NAALADL1: variants seen among roughly 807,000 people sequenced by gnomAD.
The protein encoded by NAALADL1 is N-acetylated alpha-linked acidic dipeptidase like 1, also known as aminopeptidase NAALADL1.
Under a neutral mutation model 82.8 loss-of-function variants are expected in NAALADL1, and 77 were observed. The ratio of observed to expected loss-of-function variants is 0.93; its 90% CI spans 0.77 to 1.12. The LOEUF (loss-of-function observed/expected upper bound fraction) is 1.12. Among genes scored for constraint, NAALADL1 ranks in the 50% most tolerant of loss-of-function variants. The probability of loss-of-function intolerance (pLI) is 0.00; values close to 1 mark genes in which losing one functional copy is unlikely to be tolerated. For synonymous variants in NAALADL1, 358 were observed against 399.2 expected, an observed-to-expected ratio of 0.90 and a Z score of 1.23; for missense variants, 956 against 964.0, an observed-to-expected ratio of 0.99 and a Z score of 0.11.
At chr11:65,059,990 G>T (rs1590778690), upstream of NAALADL1, among the ~76,000 whole-genome samples, 1 of 152,200 alleles carries the variant, frequency 6.6e-6, no homozygotes, top group Non-Finnish European at 1.5e-5. Context: ...GGCTGGGGGG[G>T]TCCCTAGGGA....
intron 8 of NAALADL1, among the ~76,000 whole-genome samples, chr11:65,051,311 CTTTCTTTTTTTTTTTTTTTT>C (rs1416903518): frequency 8.0e-5 from 5 of 62,574 alleles, no homozygotes; most frequent in African/African-American, 2.0e-4. Context: ...TCCTTTCTTT[CTTTCTTTTTTTTTTTTTTTT>C]TTTTTTTTTT....
chr11:65,057,318 C>T, intron 4 of NAALADL1, 53 bp downstream of exon 4: 3 of 1,539,248 alleles, frequency 1.9e-6, no homozygotes, highest in South Asian at 1.3e-5. Flanking sequence ...CTCCAGTCCA[C>T]TGCCCAGCCC....
rs1946968960 is a variant in NAALADL1, at chr11:65,054,192, G to A, written c.992+58C>T. On this transcript the variant is annotated intron_variant, in intron 6 of 17. Transcript: ENST00000358658. This position sits in a 1 kb window ranked among gnomAD's most constrained non-coding sequence, Gnocchi z 4.3. ...GAGGGAACATCATCACAAGGGAAGG[G>A]GAGAGGCGAGTTGGGGGAGAGGGCA... 7.0e-7 allele frequency: 1 copy of A among 1,421,136 alleles called. No individual in the cohort carries two copies. The highest frequency in any genetic ancestry group is 9.8e-7 in the Non-Finnish European group (1 of 1,015,610). 88.0% of individuals were successfully genotyped at this position (1,421,136 alleles called of 1,614,324 possible).
chr11:65,058,317 C>A lies in NAALADL1; in HGVS notation c.185+20G>T, dbSNP rs1291267518. ...AGGGGGCCTCTGGCAAACGGAGGAG[C>A]AGATGGCCCCACTTCTCACCTGAGG... On this transcript the variant is annotated intron_variant, in intron 1 of 17. Coordinates refer to ENST00000358658, the MANE Select transcript of NAALADL1 (RefSeq NM_005468.3). The A allele has an allele frequency of 1.2e-6, 2 of 1,614,034 alleles. No homozygotes were observed. The highest frequency in any genetic ancestry group is 1.7e-6 in the Non-Finnish European group (2 of 1,179,918).
In NAALADL1 at chr11:65,054,591, C is replaced by T. The variant is rs577187804; in HGVS notation, c.751G>A (p.Glu251Lys). Residue 251 changes from glutamate to lysine, a missense_variant, in exon 5 of 18, where the codon GAG becomes AAG. Physicochemically the swap from Glu to Lys is moderately conservative, Grantham distance 56 (BLOSUM62 1). Transcript: ENST00000358658. The surrounding 1 kb of genome is among the most constrained non-coding windows in gnomAD (Gnocchi z 4.3). Reference sequence around the variant, plus strand: ...GGAGTCAGAGGGTCCCCAAAATACTCGTAGTAGGAGCCTCGCTCCACTCCT... The same window carrying T: ...GGAGTCAGAGGGTCCCCAAAATACTTGTAGTAGGAGCCTCGCTCCACTCCT... ...PSGVERGSYY[E>K]YFGDPLTPYL... 79 of 1,613,690 alleles carry T rather than the reference C, an allele frequency of 4.9e-5. No individual in the cohort carries two copies. Among genetic ancestry groups the T allele is most frequent in the Admixed American group, 1.2e-4 (7 of 59,934 alleles).
intron 13 of NAALADL1, 26 bp from the exon 14 acceptor site, chr11:65,046,552 C>T (rs1380233399): frequency 6.2e-7 from 1 of 1,611,668 alleles, no homozygotes; most frequent in Non-Finnish European, 8.5e-7. Context: ...CCAGAGGTGA[C>T]AGGCTTGGGA....
Position 65,054,743 on chromosome 11 carries a change from A to G in NAALADL1, c.604-5T>C. On this transcript the variant is annotated splice_polypyrimidine_tract_variant and splice_region_variant and intron_variant, in intron 4 of 17. Transcript: ENST00000358658. This position sits in a 1 kb window ranked among gnomAD's most constrained non-coding sequence, Gnocchi z 4.3. ...GTGCTTGGCAGCGTTCACAGCCTGCAGTGGGCAGAGGAGGCTGTGTGTAAG... is the reference window on the plus strand; with the variant it reads ...GTGCTTGGCAGCGTTCACAGCCTGCGGTGGGCAGAGGAGGCTGTGTGTAAG... The G allele has an allele frequency of 6.2e-7, 1 of 1,612,392 alleles. No individual in the cohort carries two copies. The highest frequency in any genetic ancestry group is 1.1e-5 in the South Asian group (1 of 91,022).
Position 65,054,709 on chromosome 11 carries a change from A to G in NAALADL1, c.633T>C (p.Ala211=), listed in dbSNP as rs376967167. ...KAVNAAKHGV[A]GVLVYTDPAD... ...CAGGGTCTGTGTACACCAGCACCCCAGCTACCCCGTGCTTGGCAGCGTTCA... is the reference window on the plus strand; with the variant it reads ...CAGGGTCTGTGTACACCAGCACCCCGGCTACCCCGTGCTTGGCAGCGTTCA... The change falls in exon 5 of 18, where the codon GCT becomes GCC. Residue 211 remains alanine (A), a synonymous_variant. Transcript: ENST00000358658. The surrounding 1 kb of genome is among the most constrained non-coding windows in gnomAD (Gnocchi z 4.3). 6.4e-5 allele frequency: 103 copies of G among 1,614,064 alleles called. 1 individual carries two copies. In the African/African-American group the frequency reaches 1.2e-3, roughly 19 times the overall value.
Position 65,044,905 on chromosome 11 carries a change from G to A in NAALADL1, c.*366C>T, listed in dbSNP as rs1946684063. On this transcript the variant is annotated 3_prime_UTR_variant, in exon 18 of 18. Transcript: ENST00000358658. The surrounding 1 kb of genome is among the most constrained non-coding windows in gnomAD (Gnocchi z 4.0). ...CACAGCATGCAGGGAGAGGAACGCAGACTAGCCAAGGCCTAAGGTACCCCA... is the reference window on the plus strand; with the variant it reads ...CACAGCATGCAGGGAGAGGAACGCAAACTAGCCAAGGCCTAAGGTACCCCA... 1 of 749,734 alleles carries A rather than the reference G, an allele frequency of 1.3e-6. No homozygotes were observed. The allele number at this position is 749,734 out of a possible 1,614,324, so 46.4% of individuals were successfully genotyped here. A position where few individuals can be genotyped will look rare whatever the true frequency, so the allele number is the denominator to read the frequency against.
In NAALADL1 at chr11:65,047,716, T is replaced by C. The variant is rs377514826; in HGVS notation, c.1439A>G (p.Asp480Gly). 1.4e-5 allele frequency: 23 copies of C among 1,606,118 alleles called. No homozygotes were observed. Among genetic ancestry groups the C allele is most frequent in the East Asian group, 9.0e-5 (4 of 44,530 alleles). The change falls in exon 12 of 18, where the codon GAC (aspartate) becomes GGC (glycine). Residue 480 changes from aspartate to glycine, a missense_variant. Asp to Gly is a moderately conservative substitution (Grantham distance 94). Coordinates refer to ENST00000358658, the MANE Select transcript of NAALADL1 (RefSeq NM_005468.3). ...GATCCAGTTGTCGTAGATGCTCAGG[T>C]CGCCAGGGCCTGGTGAGCGGATCTG... ...TKEIRSPGPG[D>G]LSIYDNWIRY...
chr11:65,047,445 C>A, intron 13 of NAALADL1, 30 bp downstream of exon 13: 2 of 1,542,216 alleles, frequency 1.3e-6, no homozygotes, highest in African/African-American at 1.4e-5. Context: ...AGCAAGGTAC[C>A]GAGGCAGGGA....
intron 17 of NAALADL1, 61 bp from the exon 18 acceptor site, chr11:65,045,518 T>C (rs1946699327): frequency 6.7e-7 from 1 of 1,492,804 alleles, no homozygotes; most frequent in Admixed American, 2.2e-5. Flanking sequence ...AAGAGAAGCC[T>C]GGGCCTAGAA....
rs532188245 is a variant in NAALADL1, at chr11:65,051,718, C to T, written c.1198+1500G>A. 2.0e-5 allele frequency among the ~76,000 whole-genome samples: 3 copies of T among 152,138 alleles called. No homozygotes were observed. In the South Asian group the frequency reaches 6.2e-4, roughly 32 times the overall value. Reference sequence around the variant, plus strand: ...GCAGTGGCGTGTTTGTGTGCAATTACAGTTGAGTGGGTATCGGTTCAAATG... The same window carrying T: ...GCAGTGGCGTGTTTGTGTGCAATTATAGTTGAGTGGGTATCGGTTCAAATG... On this transcript the variant is annotated intron_variant, in intron 8 of 17. Coordinates refer to ENST00000358658, the MANE Select transcript of NAALADL1 (RefSeq NM_005468.3).
At position 65,046,531 on chromosome 11, in the gene NAALADL1, G is replaced by C. The variant is rs1415962287; in HGVS notation, c.1600-5C>G. On this transcript the variant is annotated splice_region_variant and splice_polypyrimidine_tract_variant and intron_variant, in intron 13 of 17. Transcript: ENST00000358658. ...GATCCTGGCTGAAGTCTTGCTCTGG[G>C]GGAACAAAGCCCAGAGGTGACAGGC... 2 of 1,613,954 alleles carry C rather than the reference G, an allele frequency of 1.2e-6. No homozygotes were observed. The highest frequency in any genetic ancestry group is 2.7e-5 in the African/African-American group (2 of 74,908).
chr11:65,049,054 T>C (rs751418335), intron 8 of NAALADL1, among the ~76,000 whole-genome samples: 5 of 152,160 alleles, frequency 3.3e-5, no homozygotes, highest in Non-Finnish European at 7.4e-5. Flanking sequence ...TGAGTCTCAC[T>C]CTGTGGCCCA....
At chr11:65,047,100 G>A (rs1301942622) in intron 13 of NAALADL1, among the ~76,000 whole-genome samples, 1 of 151,778 alleles carries the variant, frequency 6.6e-6, no homozygotes. Context: ...TAACATAACG[G>A]CACATCTTAT....
Position 65,053,168 on chromosome 11 carries a change from G to A in NAALADL1, c.1198+50C>T, listed in dbSNP as rs1042585046. 8 of 1,491,026 alleles carry A rather than the reference G, an allele frequency of 5.4e-6. No homozygotes were observed. The Admixed American group carries it at 9.5e-5, about 18-fold the overall frequency. The allele number at this position is 1,491,026 out of a possible 1,614,324, so 92.4% of individuals were successfully genotyped here. A position where few individuals can be genotyped will look rare whatever the true frequency, so the allele number is the denominator to read the frequency against. ...GAGGGAGAGGAGGTGGAACAGGAAG[G>A]GGACCTCCGGGGGCGAAGGTCCCTG... On this transcript the variant is annotated intron_variant, in intron 8 of 17. Coordinates refer to ENST00000358658, the MANE Select transcript of NAALADL1 (RefSeq NM_005468.3). The surrounding 1 kb of genome is among the most constrained non-coding windows in gnomAD (Gnocchi z 4.3).
Position 65,054,146 on chromosome 11 carries a change from G to C in NAALADL1, c.992+104C>G. Reference sequence around the variant, plus strand: ...CTGGGAGAGAGAGGAAAGGGAAAAAGGTCAGGCTTTGAAGTGGAAAGAGGG... The same window carrying C: ...CTGGGAGAGAGAGGAAAGGGAAAAACGTCAGGCTTTGAAGTGGAAAGAGGG... On this transcript the variant is annotated intron_variant, in intron 6 of 17. Coordinates refer to ENST00000358658, the MANE Select transcript of NAALADL1 (RefSeq NM_005468.3). The surrounding 1 kb of genome is among the most constrained non-coding windows in gnomAD (Gnocchi z 4.3). 1.9e-6 allele frequency: 2 copies of C among 1,028,030 alleles called. No individual in the cohort carries two copies. Among genetic ancestry groups the C allele is most frequent in the Non-Finnish European group, 2.9e-6 (2 of 690,068 alleles). The allele number at this position is 1,028,030 out of a possible 1,614,324, so 63.7% of individuals were successfully genotyped here. A position where few individuals can be genotyped will look rare whatever the true frequency, so the allele number is the denominator to read the frequency against.
chr11:65,052,286 C>T (rs1467149066), intron 8 of NAALADL1, among the ~76,000 whole-genome samples: 2 of 151,954 alleles, frequency 1.3e-5, no homozygotes, highest in Non-Finnish European at 2.9e-5. Context: ...GTCTGCCTGG[C>T]CCCCCTATGT....
Sources: gnomAD v4.1 joint callset for allele counts (sites outside exome capture counted in the v4.1 genomes callset) on GRCh38, gnomAD v4.1.1 for gene constraint, Gnocchi (gnomAD v3.1) non-coding constraint, MANE v1.5 for transcripts, NCBI Gene and HGNC (gene_info 2026-07-23, HGNC 2026-07-21) for gene names.